LRRC37A: variants seen among roughly 807,000 people sequenced by gnomAD.
LRRC37A encodes leucine rich repeat containing 37A, also known as leucine-rich repeat-containing protein 37A.
Under a neutral mutation model 35.4 loss-of-function variants are expected in LRRC37A, and 3 were observed. That is an observed-to-expected ratio of 0.08 (90% CI 0.04 to 0.22). The LOEUF (loss-of-function observed/expected upper bound fraction) is 0.22. Ranked by LOEUF, LRRC37A falls within the 10% of genes least tolerant of loss-of-function variation. The pLI is 1.00. For missense variants in LRRC37A, 67 were observed against 565.3 expected (o/e 0.12, Z 8.94); for synonymous variants, 23 against 215.0 (o/e 0.11, Z 7.81).
chr17:46,275,446 T>G, the LRRC37A span: 1 of 860,092 alleles, frequency 1.2e-6, no homozygotes, highest in South Asian at 1.4e-5. Flanking sequence ...AGGGAACAAT[T>G]GAGCACCTTT....
chr17:46,267,238 A>C, the LRRC37A span: 1 of 783,922 alleles, frequency 1.3e-6, no homozygotes, highest in South Asian at 1.9e-5. Context: ...CGCCCGACCC[A>C]TGCGGGCCGT....
chr17:46,262,797 AAAAAG>A, the LRRC37A span, among the ~76,000 whole-genome samples: 2 of 147,112 alleles, frequency 1.4e-5, no homozygotes, highest in Admixed American at 6.6e-5. Context: ...GAAAAAAAAA[AAAAAG>A]AAAAGAAAAG....
chr17:46,289,885 C>T (rs1246896431), upstream of LRRC37A, among the ~76,000 whole-genome samples: 4 of 152,140 alleles, frequency 2.6e-5, no homozygotes, highest in South Asian at 4.1e-4. Flanking sequence ...TTTGGGAGGC[C>T]GAGGGCGGAA....
At chr17:46,259,019 A>ATTTTTTTTTTTTTTTTTTTTT in the LRRC37A span, among the ~76,000 whole-genome samples, 6 of 79,466 alleles carry the variant, frequency 7.6e-5, no homozygotes, top group Admixed American at 1.4e-4. Context: ...CACCCGGCCT[A>ATTTTTTTTTTTTTTTTTTTTT]TTTTTTTTTT....
chr17:46,261,315 T>A, the LRRC37A span, among the ~76,000 whole-genome samples: 2 of 152,206 alleles, frequency 1.3e-5, no homozygotes, highest in Non-Finnish European at 2.9e-5. Context: ...AGACCAACCC[T>A]GCTACAGGGT....
At chr17:46,260,573 C>T in the LRRC37A span, 1 of 1,571,970 alleles carries the variant, frequency 6.4e-7, no homozygotes, top group Non-Finnish European at 8.7e-7. Flanking sequence ...TTCACCCTCT[C>T]ACACCACAGC....
chr17:46,262,000 A>G, the LRRC37A span, among the ~76,000 whole-genome samples: 2 of 152,162 alleles, frequency 1.3e-5, no homozygotes, highest in South Asian at 2.1e-4. Flanking sequence ...CCCAGGCTGG[A>G]GTGCAGTGAT....
At chr17:46,253,417 TAGCC>T in the LRRC37A span, among the ~76,000 whole-genome samples, 1 of 152,024 alleles carries the variant, frequency 6.6e-6, no homozygotes, top group African/African-American at 2.4e-5. Flanking sequence ...GTGGAGGTTG[TAGCC>T]AGCCGAGATC....
the LRRC37A span, among the ~76,000 whole-genome samples, chr17:46,254,389 T>C: frequency 1.5e-4 from 22 of 148,774 alleles, no homozygotes; most frequent in East Asian, 4.5e-3. Context: ...AGGCTGGCCA[T>C]TTATTGTATT....
the LRRC37A span, among the ~76,000 whole-genome samples, chr17:46,257,013 C>T: frequency 0.1 from 14,189 of 142,034 alleles, no homozygotes; most frequent in Non-Finnish European, 0.16. Context: ...ATTAAGAGCA[C>T]TGGCAGAAGC....
the LRRC37A span, among the ~76,000 whole-genome samples, chr17:46,282,346 GC>G: frequency 1.3e-5 from 2 of 151,208 alleles, no homozygotes; most frequent in African/African-American, 4.9e-5. Context: ...TTCGTGATCC[GC>G]CCCACTCGGC....
chr17:46,263,514 G>GCA, the LRRC37A span, among the ~76,000 whole-genome samples: 15,191 of 131,464 alleles, frequency 0.12, 1 homozygote, highest in Middle Eastern at 0.21. Flanking sequence ...TCACACCACT[G>GCA]CACTCCAGCC....
chr17:46,283,463 G>A, the LRRC37A span, among the ~76,000 whole-genome samples: 3 of 152,338 alleles, frequency 2.0e-5, no homozygotes, highest in South Asian at 6.2e-4. Flanking sequence ...TCCCAGTTGA[G>A]TCACTACATC....
At chr17:46,284,059 T>C in the LRRC37A span, among the ~76,000 whole-genome samples, 1 of 152,248 alleles carries the variant, frequency 6.6e-6, no homozygotes, top group Non-Finnish European at 1.5e-5. Flanking sequence ...TACCGAGACA[T>C]TCCATTGCCC....
upstream of LRRC37A, among the ~76,000 whole-genome samples, chr17:46,290,270 A>G (rs1249207013): frequency 6.6e-6 from 1 of 152,138 alleles, no homozygotes; most frequent in Non-Finnish European, 1.5e-5. Flanking sequence ...AGCTGAGACT[A>G]CAGGTGTGCA....
At chr17:46,277,203 T>C in the LRRC37A span, among the ~76,000 whole-genome samples, 1 of 151,896 alleles carries the variant, frequency 6.6e-6, no homozygotes, top group Admixed American at 6.6e-5. Flanking sequence ...AAAAGCTACA[T>C]AAAATAACCA....
the LRRC37A span, among the ~76,000 whole-genome samples, chr17:46,257,489 A>C: frequency 8.0e-5 from 12 of 149,202 alleles, no homozygotes; most frequent in Non-Finnish European, 3.0e-5. Context: ...ACTTTGAACA[A>C]AAAAGAAAAA....
upstream of LRRC37A, among the ~76,000 whole-genome samples, chr17:46,289,038 T>C (rs2049996803): frequency 6.6e-6 from 1 of 152,194 alleles, no homozygotes; most frequent in South Asian, 2.1e-4. Flanking sequence ...TGCCATACTT[T>C]TTAAGTGCAT....
chr17:46,253,044 G>A, the LRRC37A span, among the ~76,000 whole-genome samples: 24 of 117,254 alleles, frequency 2.0e-4, 5 homozygotes, highest in Admixed American at 2.8e-4. Context: ...GGCGGTTGCC[G>A]GGCGGAGGGG....
Sources: gnomAD v4.1 joint callset for allele counts (sites outside exome capture counted in the v4.1 genomes callset) on GRCh38, gnomAD v4.1.1 for gene constraint, MANE v1.5 for transcripts, NCBI Gene and HGNC (gene_info 2026-07-23, HGNC 2026-07-21) for gene names.